Variants in PIGR observed in about 807,000 individuals in gnomAD.
PIGR encodes polymeric immunoglobulin receptor, also known as hepatocellular carcinoma associated protein TB6.
PIGR carries 22 observed loss-of-function variants against 69.5 expected under a neutral mutation model. The observed-to-expected ratio is 0.32, with a 90% CI of 0.23 to 0.45. The LOEUF (loss-of-function observed/expected upper bound fraction) is 0.45. PIGR is among the 20% of genes least tolerant of loss of function. The pLI is 1.00. For missense variants in PIGR, 885 were observed against 974.0 expected, an observed-to-expected ratio of 0.91 and a Z score of 1.22; for synonymous variants, 413 against 407.6, an observed-to-expected ratio of 1.01 and a Z score of -0.16.
chr1:206,932,069 G>A (rs990420147), intron 8 of PIGR, among the ~76,000 whole-genome samples: 1 of 152,092 alleles, frequency 6.6e-6, no homozygotes, highest in Non-Finnish European at 1.5e-5. Flanking sequence ...CATCAGCCCC[G>A]TGAGGTCCTG....
At chr1:206,944,663 G>A (rs932233588) in intron 1 of PIGR, among the ~76,000 whole-genome samples, 4 of 152,244 alleles carry the variant, frequency 2.6e-5, no homozygotes, top group East Asian at 1.9e-4. Context: ...ATACTGTGTC[G>A]ATGCCAGTGA....
intron 2 of PIGR, 72 bp downstream of exon 2, chr1:206,940,417 C>G: frequency 2.1e-6 from 3 of 1,432,654 alleles, no homozygotes; most frequent in Non-Finnish European, 2.9e-6. Context: ...TTAGTGTCCC[C>G]AGGGAGGTGA....
chr1:206,932,450 A>T lies in PIGR; in HGVS notation c.2008+6T>A, dbSNP rs1253968789. On this transcript the variant is annotated splice_donor_region_variant and intron_variant, in intron 8 of 10. Coordinates refer to ENST00000356495, the MANE Select transcript of PIGR (RefSeq NM_002644.4). The stretch of plus-strand genomic sequence containing the variant: ...GTGGGAGGCAGGGAGTATCCCAGGG[A>T]CTCACCGACGTTCTTCCTGTGCCGG... 6.2e-7 allele frequency: 1 copy of T among 1,608,600 alleles called. No homozygotes were observed. Among genetic ancestry groups the T allele is most frequent in the East Asian group, 2.2e-5 (1 of 44,834 alleles).
chr1:206,936,126 T>C (rs1045350806), intron 4 of PIGR, among the ~76,000 whole-genome samples: 1 of 152,236 alleles, frequency 6.6e-6, no homozygotes, highest in South Asian at 2.1e-4. Context: ...CTTCTTTGGC[T>C]TCTTACAAAG....
At chr1:206,940,394 G>T in intron 2 of PIGR, 95 bp downstream of exon 2, 1 of 1,189,778 alleles carries the variant, frequency 8.4e-7, no homozygotes, top group Non-Finnish European at 1.2e-6. Flanking sequence ...CATCCCTGGG[G>T]ATGAGTCTGA....
At chr1:206,942,566 G>A (rs1399549314) in intron 1 of PIGR, among the ~76,000 whole-genome samples, 1 of 152,232 alleles carries the variant, frequency 6.6e-6, no homozygotes, top group Non-Finnish European at 1.5e-5. Flanking sequence ...CTCACCTCTA[G>A]ATAAGCAAGC....
Position 206,937,360 on chromosome 1 carries a change from G to A in PIGR, c.780C>T (p.Gly260=), listed in dbSNP as rs1679885623. The A allele has an allele frequency of 3.7e-6, 6 of 1,613,774 alleles. No homozygotes were observed. The highest frequency in any genetic ancestry group is 5.1e-6 in the Non-Finnish European group (6 of 1,179,776). ...RGSVTFHCAL[G]PEVANVAKFL... The stretch of plus-strand genomic sequence containing the variant: ...ATTTGGCCACGTTTGCCACCTCAGG[G>A]CCCAGGGCACAGTGGAAGGTCACTG... Residue 260 remains glycine, a synonymous_variant, in exon 4 of 11, where the codon GGC becomes GGT. Transcript: ENST00000356495.
intron 1 of PIGR, among the ~76,000 whole-genome samples, chr1:206,943,816 G>A (rs796645665): frequency 3.3e-5 from 5 of 152,324 alleles, no homozygotes; most frequent in African/African-American, 1.2e-4. Flanking sequence ...GAGGAGACAA[G>A]CACTATGGGC....
intron 6 of PIGR, among the ~76,000 whole-genome samples, chr1:206,933,395 G>A (rs573362232): frequency 4.6e-4 from 70 of 152,270 alleles, no homozygotes; most frequent in African/African-American, 1.6e-3. Flanking sequence ...GGACCTTCAA[G>A]GCTTCGTGTC....
chr1:206,930,915 C>T lies in PIGR; in HGVS notation c.2200-502G>A, dbSNP rs1034104715. The T allele has an allele frequency of 3.0e-6, 3 of 985,296 alleles. No homozygotes were observed. In the South Asian group the frequency reaches 1.4e-4, roughly 46 times the overall value. 61.0% of individuals were successfully genotyped at this position (985,296 alleles called of 1,614,324 possible). The stretch of plus-strand genomic sequence containing the variant: ...CAACAACAACAACAAAAACTCTCAC[C>T]TCGGGATTAAAGGCATGAGATGTTA... On this transcript the variant is annotated intron_variant, in intron 10 of 10. Transcript: ENST00000356495. This position sits in a 1 kb window ranked among gnomAD's most constrained non-coding sequence, Gnocchi z 4.3.
intron 6 of PIGR, among the ~76,000 whole-genome samples, chr1:206,934,202 A>G (rs1169297488): frequency 6.6e-6 from 1 of 152,086 alleles, no homozygotes; most frequent in African/African-American, 2.4e-5. Context: ...CAAACCCACT[A>G]TTTTTACTTA....
At chr1:206,932,346 G>A in intron 8 of PIGR, 110 bp downstream of exon 8, 1 of 1,299,156 alleles carries the variant, frequency 7.7e-7, no homozygotes, top group Non-Finnish European at 1.0e-6. Context: ...GGGATCCTTT[G>A]TTTTAGCTCA....
At chr1:206,944,798 T>A (rs1680070835) in intron 1 of PIGR, among the ~76,000 whole-genome samples, 1 of 152,306 alleles carries the variant, frequency 6.6e-6, no homozygotes, top group East Asian at 1.9e-4. Context: ...GACATCAAAA[T>A]GTCCTCATGA....
At chr1:206,941,110 A>G (rs1447536198) in intron 1 of PIGR, among the ~76,000 whole-genome samples, 1 of 152,258 alleles carries the variant, frequency 6.6e-6, no homozygotes, top group Admixed American at 6.5e-5. Flanking sequence ...TTGCTCCCTT[A>G]TTCTGTCTCA....
chr1:206,936,433 C>G (rs1451361562), intron 4 of PIGR, among the ~76,000 whole-genome samples: 1 of 151,714 alleles, frequency 6.6e-6, no homozygotes, highest in Non-Finnish European at 1.5e-5. Flanking sequence ...GAATATAAGC[C>G]CCTTTAAAAA....
rs747282235 is a variant in PIGR at position 206,935,556 on chromosome 1, G to A, written c.1308C>T (p.Ala436=). ...CGTTGGTCAGACACCAGTAGAAGCCGGCGTCCCGGCTGGTGAGCTGGTTGA... is the reference window on the plus strand; with the variant it reads ...CGTTGGTCAGACACCAGTAGAAGCCAGCGTCCCGGCTGGTGAGCTGGTTGA... ...VILNQLTSRD[A]GFYWCLTNGD... is the part of the protein sequence containing the mutation. Residue 436 remains alanine, a synonymous_variant, in exon 5 of 11, where the codon GCC becomes GCT. Coordinates refer to ENST00000356495, the MANE Select transcript of PIGR (RefSeq NM_002644.4). The surrounding 1 kb of genome is among the most constrained non-coding windows in gnomAD (Gnocchi z 4.4). 27 of 1,614,190 alleles carry A rather than the reference G, an allele frequency of 1.7e-5. No individual in the cohort carries two copies. The highest frequency in any genetic ancestry group is 2.2e-5 in the East Asian group (1 of 44,888).
intron 2 of PIGR, among the ~76,000 whole-genome samples, 186 bp from the exon 3 acceptor site, chr1:206,939,649 G>A (rs1328890328): frequency 1.3e-5 from 2 of 152,170 alleles, no homozygotes; most frequent in Non-Finnish European, 2.9e-5. Flanking sequence ...TGATTAAATT[G>A]GAATTGTTAT....
intron 3 of PIGR, among the ~76,000 whole-genome samples, chr1:206,938,381 C>G (rs1459780299): frequency 6.6e-6 from 1 of 152,190 alleles, no homozygotes; most frequent in African/African-American, 2.4e-5. Flanking sequence ...TGATCCCCAC[C>G]TAAATGACCT....
chr1:206,929,235 T>C lies in PIGR; in HGVS notation c.*1083A>G, dbSNP rs2102594767. 6.6e-6 allele frequency: 1 copy of C among 151,988 alleles called. No homozygotes were observed. The highest frequency in any genetic ancestry group is 1.5e-5 in the Non-Finnish European group (1 of 68,020). The allele number at this position is 151,988 out of a possible 1,614,324, so 9.4% of individuals were successfully genotyped here. On this transcript the variant is annotated 3_prime_UTR_variant, in exon 11 of 11. Coordinates refer to ENST00000356495, the MANE Select transcript of PIGR (RefSeq NM_002644.4). The stretch of plus-strand genomic sequence containing the variant: ...TCCAGTCTGGGTGACACAGTGAGAC[T>C]TTGTCTCAAAAAAAAGAAAAGAAAA...
Sources: gnomAD v4.1 joint callset for allele counts (sites outside exome capture counted in the v4.1 genomes callset) on GRCh38, gnomAD v4.1.1 for gene constraint, Gnocchi (gnomAD v3.1) non-coding constraint, MANE v1.5 for transcripts, NCBI Gene and HGNC (gene_info 2026-07-23, HGNC 2026-07-21) for gene names.